Variants in ULK4 observed in about 807,000 individuals in gnomAD.
ULK4 encodes the protein unc-51 like kinase 4, also known as inactive serine/threonine-protein kinase ULK4.
ULK4 carries 133 observed loss-of-function variants against 160.6 expected under a neutral mutation model. The ratio of observed to expected loss-of-function variants is 0.83; its 90% CI spans 0.72 to 0.96. ULK4 has a LOEUF of 0.96. Among genes scored for constraint, ULK4 ranks in the 40% least tolerant of loss-of-function variants. The pLI is 0.00. For missense variants in ULK4, 1,580 were observed against 1,499.5 expected (o/e 1.05, Z -0.89); for synonymous variants, 534 against 539.8 (o/e 0.99, Z 0.15).
At chr3:41,732,978 C>G (rs2037884014) in intron 22 of ULK4, among the ~76,000 whole-genome samples, 1 of 151,830 alleles carries the variant, frequency 6.6e-6, no homozygotes, top group South Asian at 2.1e-4. Flanking sequence ...AGGGGGAGGA[C>G]AGGGAAAGTT....
chr3:41,324,565 G>A (rs932982393), intron 35 of ULK4, among the ~76,000 whole-genome samples: 1 of 152,226 alleles, frequency 6.6e-6, no homozygotes, highest in Non-Finnish European at 1.5e-5. Flanking sequence ...CTGCCAATTA[G>A]AGAAGCAGGC....
At chr3:41,922,491 A>T (rs1321258299) in intron 5 of ULK4, among the ~76,000 whole-genome samples, 1 of 152,024 alleles carries the variant, frequency 6.6e-6, no homozygotes. Flanking sequence ...GTATGGAAGG[A>T]AAGAGAAAGA....
chr3:41,696,038 G>C (rs1321599840), intron 27 of ULK4, among the ~76,000 whole-genome samples: 1 of 152,176 alleles, frequency 6.6e-6, no homozygotes, highest in Non-Finnish European at 1.5e-5. Context: ...CTGCCAAGCG[G>C]ACCGTGGTCT....
intron 30 of ULK4, among the ~76,000 whole-genome samples, chr3:41,642,086 C>T (rs1466309920): frequency 2.7e-5 from 4 of 149,738 alleles, no homozygotes; most frequent in Non-Finnish European, 4.4e-5. Context: ...GTTGGTCAGG[C>T]TGGTCTCGAA....
At chr3:41,506,568 A>G (rs1156525331) in intron 32 of ULK4, among the ~76,000 whole-genome samples, 1 of 151,436 alleles carries the variant, frequency 6.6e-6, no homozygotes, top group Non-Finnish European at 1.5e-5. Context: ...CCTTTTTGGA[A>G]TCTTCTAAGA....
chr3:41,306,826 C>G (rs1301507441), intron 35 of ULK4, among the ~76,000 whole-genome samples: 1 of 151,734 alleles, frequency 6.6e-6, no homozygotes, highest in Non-Finnish European at 1.5e-5. Flanking sequence ...GCCGTGGGAT[C>G]CTGTTGATCT....
At chr3:41,386,674 A>G (rs2081819726) in intron 35 of ULK4, among the ~76,000 whole-genome samples, 1 of 152,176 alleles carries the variant, frequency 6.6e-6, no homozygotes, top group South Asian at 2.1e-4. Context: ...ATTAGTCACC[A>G]GACCTGGTTG....
chr3:41,825,100 G>T (rs1294296065), intron 18 of ULK4, among the ~76,000 whole-genome samples: 1 of 152,150 alleles, frequency 6.6e-6, no homozygotes, highest in Non-Finnish European at 1.5e-5. Flanking sequence ...TGCAGCTGAG[G>T]GTCCTGTCTG....
chr3:41,506,774 A>ATATAAATATATATATATG, intron 32 of ULK4, among the ~76,000 whole-genome samples: 1 of 107,816 alleles, frequency 9.3e-6, no homozygotes, highest in South Asian at 3.5e-4. Context: ...TAAAATATAT[A>ATATAAATATATATATATG]TATATATATA....
At chr3:41,452,352 G>T (rs951078830) in intron 34 of ULK4, among the ~76,000 whole-genome samples, 2 of 152,134 alleles carry the variant, frequency 1.3e-5, no homozygotes, top group Non-Finnish European at 2.9e-5. Context: ...TGGAATAGAC[G>T]CCTGTTCAAC....
chr3:41,604,361 T>C (rs1238244074), intron 31 of ULK4, among the ~76,000 whole-genome samples: 1 of 152,138 alleles, frequency 6.6e-6, no homozygotes, highest in Non-Finnish European at 1.5e-5. Flanking sequence ...GAGTTTCTTA[T>C]GTAAGACATG....
chr3:41,495,784 T>G, intron 32 of ULK4, among the ~76,000 whole-genome samples: 1 of 151,650 alleles, frequency 6.6e-6, no homozygotes, highest in Non-Finnish European at 1.5e-5. Context: ...GAACAGACAC[T>G]TCTCAAAAGA....
chr3:41,931,245 ACCACATATT>A (rs898839443), intron 5 of ULK4, among the ~76,000 whole-genome samples: 3 of 151,978 alleles, frequency 2.0e-5, no homozygotes, highest in African/African-American at 7.3e-5. Context: ...AAAACCAAAC[ACCACATATT>A]CTCACTCGTA....
chr3:41,709,752 T>G (rs767354723), intron 25 of ULK4, among the ~76,000 whole-genome samples: 1 of 152,142 alleles, frequency 6.6e-6, no homozygotes, highest in Non-Finnish European at 1.5e-5. Flanking sequence ...TTCACATAAT[T>G]CCAAAATGGA....
intron 32 of ULK4, among the ~76,000 whole-genome samples, chr3:41,475,097 C>A (rs2084099684): frequency 1.3e-5 from 2 of 152,066 alleles, no homozygotes; most frequent in African/African-American, 4.8e-5. Context: ...TCTAGGTGTC[C>A]ATCAGCAGAT....
At chr3:41,743,919 T>C (rs2038328518) in intron 22 of ULK4, among the ~76,000 whole-genome samples, 1 of 151,596 alleles carries the variant, frequency 6.6e-6, no homozygotes. Flanking sequence ...AAAGTAGGGA[T>C]AGTAAAGGGA....
intron 35 of ULK4, among the ~76,000 whole-genome samples, chr3:41,250,329 TG>T (rs1321365892): frequency 2.0e-5 from 3 of 152,248 alleles, no homozygotes; most frequent in Admixed American, 6.5e-5. Flanking sequence ...TGCCTCCTAT[TG>T]TTATCTTTGT....
At chr3:41,564,661 G>A (rs993858015) in intron 32 of ULK4, among the ~76,000 whole-genome samples, 5 of 151,776 alleles carry the variant, frequency 3.3e-5, no homozygotes, top group African/African-American at 4.8e-5. Context: ...GTTTTACCAC[G>A]TTGGCCAGGC....
intron 35 of ULK4, among the ~76,000 whole-genome samples, chr3:41,325,806 C>G (rs1226674041): frequency 6.6e-6 from 1 of 151,954 alleles, no homozygotes; most frequent in Non-Finnish European, 1.5e-5. Flanking sequence ...GTAATCCCAG[C>G]TACTCAGAAG....
Sources: gnomAD v4.1 joint callset for allele counts (sites outside exome capture counted in the v4.1 genomes callset) on GRCh38, gnomAD v4.1.1 for gene constraint, MANE v1.5 for transcripts, NCBI Gene and HGNC (gene_info 2026-07-23, HGNC 2026-07-21) for gene names.